Variants in PIKFYVE observed in about 807,000 individuals in gnomAD.
The protein encoded by PIKFYVE is phosphoinositide kinase, FYVE-type zinc finger containing.
A neutral mutation model predicts 257.9 loss-of-function variants in PIKFYVE; 122 were observed. That is an observed-to-expected ratio of 0.47 (90% confidence interval 0.41 to 0.55). The LOEUF (loss-of-function observed/expected upper bound fraction) is 0.55, where lower values mean the gene tolerates loss of function less well. PIKFYVE is among the 20% of genes least tolerant of loss of function. The pLI is 0.00. For synonymous variants in PIKFYVE, 892 were observed against 868.9 expected, an observed-to-expected ratio of 1.03 and a Z score of -0.47; for missense variants, 2,160 against 2,536.6, an observed-to-expected ratio of 0.85 and a Z score of 3.19.
chr2:208,298,987 C>T (rs755450055), intron 8 of PIKFYVE, among the ~76,000 whole-genome samples: 2 of 151,868 alleles, frequency 1.3e-5, no homozygotes, highest in Non-Finnish European at 2.9e-5. Context: ...GGATTACAGG[C>T]GCATGCCACT....
intron 7 of PIKFYVE, among the ~76,000 whole-genome samples, chr2:208,297,167 C>T (rs1266586696): frequency 1.3e-5 from 2 of 152,100 alleles, no homozygotes; most frequent in African/African-American, 4.8e-5. Flanking sequence ...AATCAGTATT[C>T]TTGCTACTAG....
chr2:208,305,697 G>C (rs1340494594), intron 12 of PIKFYVE: 2 of 178,508 alleles, frequency 1.1e-5, no homozygotes, highest in Non-Finnish European at 2.2e-5. Flanking sequence ...AGAAATGCCT[G>C]TTTTTAAAAT....
intron 28 of PIKFYVE, among the ~76,000 whole-genome samples, chr2:208,337,982 C>G (rs946803586): frequency 1.3e-5 from 2 of 152,030 alleles, no homozygotes; most frequent in Non-Finnish European, 2.9e-5. Context: ...CTTGGCCTCC[C>G]GAAGTTTTGG....
At chr2:208,308,741 C>T (rs1196108726) in intron 12 of PIKFYVE, among the ~76,000 whole-genome samples, 4 of 141,252 alleles carry the variant, frequency 2.8e-5, no homozygotes, top group African/African-American at 2.6e-5. Flanking sequence ...AAATTTTGCT[C>T]TTATTGTCCA....
chr2:208,290,988 T>C (rs76910712), intron 7 of PIKFYVE, among the ~76,000 whole-genome samples: 5,698 of 152,274 alleles, frequency 0.037, 333 homozygotes, highest in African/African-American at 0.13. Context: ...GTACTTTTTA[T>C]TTCCTTTTCC....
In PIKFYVE at chr2:208,353,930, G is replaced by C. The variant is rs1204361150; in HGVS notation, c.5877G>C (p.Arg1959=). The stretch of plus-strand genomic sequence containing the variant: ...ATTTGAAGGGCTCTCTTAGGAATCG[G>C]AATGTAAAAACTGACACTGGAAAAG... The part of the protein sequence containing the change: ...VFDLKGSLRN[R]NVKTDTGKES... Residue 1959 remains arginine, a synonymous_variant, in exon 40 of 42, where the codon CGG becomes CGC. Coordinates refer to ENST00000264380, the MANE Select transcript of PIKFYVE (RefSeq NM_015040.4). 4.3e-6 allele frequency: 7 copies of C among 1,613,938 alleles called. No homozygotes were observed. The highest frequency in any genetic ancestry group is 3.4e-6 in the Non-Finnish European group (4 of 1,179,930).
chr2:208,311,248 A>G (rs116462142), intron 12 of PIKFYVE, among the ~76,000 whole-genome samples: 3,303 of 152,304 alleles, frequency 0.022, 54 homozygotes, highest in Middle Eastern at 0.071. Flanking sequence ...GGTGTTACTC[A>G]TTCCTGTGAG....
At chr2:208,319,213 GT>G (rs1695918124) in intron 16 of PIKFYVE, among the ~76,000 whole-genome samples, 1 of 152,126 alleles carries the variant, frequency 6.6e-6, no homozygotes. Flanking sequence ...TTTTTTCTAA[GT>G]TGAGCTTAAT....
intron 25 of PIKFYVE, among the ~76,000 whole-genome samples, 158 bp from the exon 26 acceptor site, chr2:208,335,635 C>G (rs1377434246): frequency 6.6e-6 from 1 of 152,074 alleles, no homozygotes; most frequent in Non-Finnish European, 1.5e-5. Context: ...GAAGTACATC[C>G]TTTTAGGTCT....
rs530188376 is a variant in PIKFYVE at position 208,313,648 on chromosome 2, T to C, written c.1697-646T>C. 4.9e-4 allele frequency among the ~76,000 whole-genome samples: 74 copies of C among 151,560 alleles called. 1 individual carries two copies. In the East Asian group the frequency reaches 0.014, roughly 28 times the overall value. On this transcript the variant is annotated intron_variant, in intron 13 of 41. Transcript: ENST00000264380. ...CTCAGGTTGGAGTGCAGTGGTGCGA[T>C]CTTGGCTCACTGCAATCTCTGCCTC...
Position 208,352,767 on chromosome 2 carries a change from G to A in PIKFYVE, c.5829G>A (p.Gly1943=). The A allele has an allele frequency of 6.2e-7, 1 of 1,613,364 alleles. No individual in the cohort carries two copies. Residue 1943 remains glycine (G), a synonymous_variant, in exon 39 of 42, where the codon GGG becomes GGA. Coordinates refer to ENST00000264380, the MANE Select transcript of PIKFYVE (RefSeq NM_015040.4). ...DLLVMENLFY[G]RKMAQVFDLK... is the part of the protein sequence containing the mutation. Reference sequence around the variant, plus strand: ...TTGTCATGGAAAATCTTTTCTACGGGAGAAAGATGGCACAGGTAAGGGTAT... The same window carrying A: ...TTGTCATGGAAAATCTTTTCTACGGAAGAAAGATGGCACAGGTAAGGGTAT...
chr2:208,320,914 G>T (rs1193232654), intron 17 of PIKFYVE, among the ~76,000 whole-genome samples: 1 of 152,170 alleles, frequency 6.6e-6, no homozygotes, highest in Non-Finnish European at 1.5e-5. Context: ...GCTTTTGCTT[G>T]CAGGGCTCTC....
At chr2:208,324,502 AC>A (rs1377275853) in intron 18 of PIKFYVE, among the ~76,000 whole-genome samples, 1 of 152,184 alleles carries the variant, frequency 6.6e-6, no homozygotes, top group Non-Finnish European at 1.5e-5. Flanking sequence ...TGTCTACAAG[AC>A]CAAAAGTGAA....
At position 208,335,974 on chromosome 2, in the gene PIKFYVE, T is replaced by A. The variant is rs541068005; in HGVS notation, c.4366-72T>A. The stretch of plus-strand genomic sequence containing the variant: ...AAATTATTGATTAAAAATCAAAAAT[T>A]AATAATAGCAGTTTCTTTTGGGGTA... On this transcript the variant is annotated intron_variant, in intron 26 of 41. Transcript: ENST00000264380. 64 of 1,593,818 alleles carry A rather than the reference T, an allele frequency of 4.0e-5. No individual in the cohort carries two copies. The African/African-American group carries it at 7.7e-4, about 19-fold the overall frequency.
intron 25 of PIKFYVE, 31 bp from the exon 26 acceptor site, chr2:208,335,761 TC>T (rs1386377229): frequency 5.3e-6 from 8 of 1,503,988 alleles, no homozygotes; most frequent in Middle Eastern, 1.8e-4. Flanking sequence ...ATTCACCCTT[TC>T]TAAAGTGTTT....
In PIKFYVE at chr2:208,352,789, G is replaced by T. The variant is rs1699893271; in HGVS notation, c.5844+7G>T. 1.2e-6 allele frequency: 2 copies of T among 1,612,148 alleles called. No homozygotes were observed. Among genetic ancestry groups the T allele is most frequent in the East Asian group, 4.5e-5 (2 of 44,750 alleles). On this transcript the variant is annotated splice_region_variant and intron_variant, in intron 39 of 41. Coordinates refer to ENST00000264380, the MANE Select transcript of PIKFYVE (RefSeq NM_015040.4). The stretch of plus-strand genomic sequence containing the variant: ...CGGGAGAAAGATGGCACAGGTAAGG[G>T]TATTGGACTATGTGAAGCATTTAGC...
chr2:208,288,910 T>C, intron 7 of PIKFYVE, 92 bp downstream of exon 7: 1 of 1,473,796 alleles, frequency 6.8e-7, no homozygotes, highest in Non-Finnish European at 9.5e-7. Flanking sequence ...GTGGGATTGA[T>C]TGTCATATAC....
intron 12 of PIKFYVE, among the ~76,000 whole-genome samples, chr2:208,308,038 A>G (rs991508324): frequency 6.6e-6 from 1 of 152,248 alleles, no homozygotes; most frequent in Non-Finnish European, 1.5e-5. Context: ...ATGATTAAGG[A>G]ATAAGGATTT....
At chr2:208,305,723 C>T (rs551263249) in intron 12 of PIKFYVE, among the ~76,000 whole-genome samples, 9 of 152,200 alleles carry the variant, frequency 5.9e-5, no homozygotes, top group Non-Finnish European at 1.3e-4. Flanking sequence ...ATGAGGTTTA[C>T]TTTATTGGGT....
Sources: gnomAD v4.1 joint callset for allele counts (sites outside exome capture counted in the v4.1 genomes callset) on GRCh38, gnomAD v4.1.1 for gene constraint, MANE v1.5 for transcripts, NCBI Gene and HGNC (gene_info 2026-07-23, HGNC 2026-07-21) for gene names.